SLC8A1: variants seen among roughly 807,000 people sequenced by gnomAD.
The protein encoded by SLC8A1 is solute carrier family 8 member A1, also known as sodium/calcium exchanger 1.
In SLC8A1, 18 loss-of-function variants were observed where a neutral mutation model predicts 68.3. That is an observed-to-expected ratio of 0.26 (90% CI 0.18 to 0.39). SLC8A1 has a LOEUF of 0.39. Ranked by LOEUF, SLC8A1 falls within the 10% of genes least tolerant of loss-of-function variation. SLC8A1 has a pLI of 1.00. For missense variants in SLC8A1, 985 were observed against 1,156.7 expected (o/e 0.85, Z 2.15); for synonymous variants, 475 against 415.5 (o/e 1.14, Z -1.74).
chr2:40,296,850 C>T (rs950679474), intron 2 of SLC8A1, among the ~76,000 whole-genome samples: 36 of 152,116 alleles, frequency 2.4e-4, no homozygotes, highest in Non-Finnish European at 4.0e-4. Context: ...TATATTTTCA[C>T]CCAGGTAGTT....
chr2:40,145,664 G>A (rs543904953), intron 6 of SLC8A1, among the ~76,000 whole-genome samples: 39 of 152,244 alleles, frequency 2.6e-4, no homozygotes, highest in South Asian at 4.1e-4. Context: ...AGACCTTAGC[G>A]ATCAGCTAAG....
intron 1 of SLC8A1, among the ~76,000 whole-genome samples, chr2:40,442,174 A>G (rs961477410): frequency 1.3e-4 from 20 of 151,612 alleles, no homozygotes; most frequent in Non-Finnish European, 1.6e-4. Flanking sequence ...CATTGTGCAC[A>G]TGTACCCTAA....
chr2:40,199,442 G>C (rs1191363930), intron 2 of SLC8A1, among the ~76,000 whole-genome samples: 1 of 151,496 alleles, frequency 6.6e-6, no homozygotes, highest in African/African-American at 2.4e-5. Flanking sequence ...CATAAATATT[G>C]TTTGTCTGTA....
At chr2:40,322,287 A>AC (rs1208823773) in intron 2 of SLC8A1, among the ~76,000 whole-genome samples, 3 of 151,942 alleles carry the variant, frequency 2.0e-5, no homozygotes, top group African/African-American at 7.3e-5. Flanking sequence ...CCATGGAACC[A>AC]CCCCAATATC....
chr2:40,357,339 T>A (rs1672990097), intron 2 of SLC8A1, among the ~76,000 whole-genome samples: 2 of 151,424 alleles, frequency 1.3e-5, no homozygotes, highest in South Asian at 4.2e-4. Flanking sequence ...AAAACATTTT[T>A]TTTTTTAATT....
chr2:40,365,457 A>G (rs1229589968), intron 2 of SLC8A1, among the ~76,000 whole-genome samples: 1 of 152,114 alleles, frequency 6.6e-6, no homozygotes, highest in Non-Finnish European at 1.5e-5. Flanking sequence ...GAAATAATTA[A>G]CTGCCCATTT....
At chr2:40,323,135 C>T (rs2149346900) in intron 2 of SLC8A1, among the ~76,000 whole-genome samples, 1 of 152,180 alleles carries the variant, frequency 6.6e-6, no homozygotes, top group Middle Eastern at 3.4e-3. Context: ...ACATAGGCAA[C>T]TATAATGCTT....
chr2:40,171,071 C>G (rs920141715), intron 4 of SLC8A1, among the ~76,000 whole-genome samples: 2 of 152,162 alleles, frequency 1.3e-5, no homozygotes, highest in Admixed American at 6.5e-5. Context: ...CAAGAGCTAC[C>G]CATAACTGAC....
chr2:40,452,133 C>CGGGAGGCT (rs1702632295), upstream of SLC8A1: 2 of 111,248 alleles, frequency 1.8e-5, no homozygotes, highest in African/African-American at 7.0e-5. Flanking sequence ...GCGCGGAGGC[C>CGGGAGGCT]GGGAGGCTGG....
chr2:40,420,917 A>G (rs1277529438), intron 2 of SLC8A1, among the ~76,000 whole-genome samples: 1 of 152,206 alleles, frequency 6.6e-6, no homozygotes, highest in Non-Finnish European at 1.5e-5. Flanking sequence ...TGACCCAGAG[A>G]AAGTTAAATC....
chr2:40,466,234 G>T lies in SLC8A1; in HGVS notation c.-24-35930C>A, dbSNP rs185582329. On this transcript the variant is annotated intron_variant, in intron 1 of 7. Coordinates refer to the SLC8A1 transcript ENST00000402441. The stretch of plus-strand genomic sequence containing the variant: ...ATAGTCCACTGTGGCAAGGGCAGGG[G>T]TTGGGAAAGAAATTTGAATTGATTA... Among the ~76,000 whole-genome samples the T allele has an allele frequency of 2.7e-3, 405 of 152,288 alleles. 1 individual carries two copies. The highest frequency in any genetic ancestry group is 6.8e-3 in the Middle Eastern group (2 of 294).
chr2:40,226,093 A>C lies in SLC8A1; in HGVS notation c.1809-48238T>G, dbSNP rs529872188. Among the ~76,000 whole-genome samples, 7 of 152,130 alleles carry C rather than the reference A, an allele frequency of 4.6e-5. No homozygotes were observed. In the South Asian group the frequency reaches 1.4e-3, roughly 31 times the overall value. ...GGATAACTTACATATTTTACATTACATGAGATGACAGTTGGTTTTATTGCT... is the reference window on the plus strand; with the variant it reads ...GGATAACTTACATATTTTACATTACCTGAGATGACAGTTGGTTTTATTGCT... On this transcript the variant is annotated intron_variant, in intron 2 of 7. Transcript: ENST00000406785.
intron 1 of SLC8A1, among the ~76,000 whole-genome samples, chr2:40,482,660 G>C (rs1704705195): frequency 6.6e-6 from 1 of 152,156 alleles, no homozygotes; most frequent in African/African-American, 2.4e-5. Flanking sequence ...TTTGAATCCA[G>C]ACAGCCTGTC....
intron 7 of SLC8A1, among the ~76,000 whole-genome samples, chr2:40,133,709 C>A (rs928119784): frequency 1.6e-4 from 9 of 57,478 alleles, no homozygotes; most frequent in African/African-American, 4.9e-4. Flanking sequence ...AATCCCCCCC[C>A]CCCACCGACT....
intron 2 of SLC8A1, among the ~76,000 whole-genome samples, chr2:40,234,994 C>T (rs1364529287): frequency 2.0e-5 from 3 of 152,094 alleles, no homozygotes; most frequent in Non-Finnish European, 4.4e-5. Flanking sequence ...CTGCTGGATT[C>T]GTTTTGCCAG....
chr2:40,316,407 T>A (rs2149324635), intron 2 of SLC8A1, among the ~76,000 whole-genome samples: 1 of 152,144 alleles, frequency 6.6e-6, no homozygotes, highest in South Asian at 2.1e-4. Context: ...ACTGGAGGAT[T>A]TTTTCCTATT....
intron 7 of SLC8A1, among the ~76,000 whole-genome samples, chr2:40,130,468 G>C (rs2039098132): frequency 6.6e-6 from 1 of 152,232 alleles, no homozygotes; most frequent in African/African-American, 2.4e-5. Context: ...ATAAGGTCCT[G>C]TGGAAAGCCA....
At chr2:40,237,010 C>G (rs1415047180) in intron 2 of SLC8A1, among the ~76,000 whole-genome samples, 2 of 147,766 alleles carry the variant, frequency 1.4e-5, no homozygotes, top group Admixed American at 7.0e-5. Flanking sequence ...GTAACCCGAC[C>G]TTTCTCTCTG....
intron 2 of SLC8A1, among the ~76,000 whole-genome samples, chr2:40,324,611 T>C (rs1190021221): frequency 6.6e-6 from 1 of 152,114 alleles, no homozygotes; most frequent in Non-Finnish European, 1.5e-5. Flanking sequence ...AGTGGCAATT[T>C]TGTTCATCCA....
Sources: allele counts gnomAD v4.1 joint callset (sites outside exome capture counted in the v4.1 genomes callset), GRCh38; gene constraint gnomAD v4.1.1; transcripts MANE v1.5; gene names NCBI Gene and HGNC (gene_info 2026-07-23, HGNC 2026-07-21).